The following FBXO15 variants were observed in gnomAD, a reference collection of about 807,000 sequenced individuals.
The protein encoded by FBXO15 is F-box protein 15.
Under a neutral mutation model 49.5 loss-of-function variants are expected in FBXO15, and 30 were observed. That is an observed-to-expected ratio of 0.61 (90% CI 0.45 to 0.82). The LOEUF (loss-of-function observed/expected upper bound fraction) is 0.82. FBXO15 is among the 40% of genes least tolerant of loss of function. The pLI is 0.00. For synonymous variants in FBXO15, 250 were observed against 232.7 expected, an observed-to-expected ratio of 1.07 and a Z score of -0.68; for missense variants, 591 against 631.5, an observed-to-expected ratio of 0.94 and a Z score of 0.69.
At chr18:74,135,693 AG>A in intron 3 of FBXO15, 68 bp downstream of exon 3, 4 of 1,213,744 alleles carry the variant, frequency 3.3e-6, no homozygotes, top group Non-Finnish European at 3.5e-6. Flanking sequence ...ATGGTTAAAA[AG>A]TTACTAGTTT....
chr18:74,144,575 T>A (rs1331206999), intron 1 of FBXO15, among the ~76,000 whole-genome samples: 3 of 152,176 alleles, frequency 2.0e-5, no homozygotes, highest in Admixed American at 1.3e-4. Context: ...GGGGGTACAG[T>A]CTGCAGCAAA....
chr18:74,117,773 C>A (rs1280428514), intron 8 of FBXO15, among the ~76,000 whole-genome samples: 1 of 152,106 alleles, frequency 6.6e-6, no homozygotes, highest in East Asian at 1.9e-4. Flanking sequence ...CTATTATTAT[C>A]GTATTCATCA....
chr18:74,128,639 C>T (rs1978301743), intron 5 of FBXO15, among the ~76,000 whole-genome samples: 1 of 152,166 alleles, frequency 6.6e-6, no homozygotes, highest in Admixed American at 6.5e-5. Flanking sequence ...TAGCTTGCTC[C>T]AGAGATGAGG....
chr18:74,147,427 C>G (rs1171877678), intron 1 of FBXO15: 1 of 1,097,860 alleles, frequency 9.1e-7, no homozygotes, highest in Non-Finnish European at 1.1e-6. Context: ...GCATCCCCGG[C>G]CACAGGCGCC....
At chr18:74,096,526 A>G (rs1347661989) in intron 8 of FBXO15, among the ~76,000 whole-genome samples, 2 of 151,896 alleles carry the variant, frequency 1.3e-5, no homozygotes, top group African/African-American at 4.9e-5. Context: ...CATCCCATAA[A>G]AAAAAACAAA....
At chr18:74,128,342 A>C (rs1978298755) in intron 5 of FBXO15, among the ~76,000 whole-genome samples, 1 of 151,964 alleles carries the variant, frequency 6.6e-6, no homozygotes, top group Non-Finnish European at 1.5e-5. Context: ...TGCAAAAAAA[A>C]AAAAAAGTGT....
intron 8 of FBXO15, among the ~76,000 whole-genome samples, chr18:74,109,759 C>T (rs564420196): frequency 2.1e-4 from 32 of 151,582 alleles, no homozygotes; most frequent in South Asian, 1.3e-3. Context: ...TGTTCTCACT[C>T]GTAGGTGGGA....
At chr18:74,123,653 T>C in intron 7 of FBXO15, 143 bp from the exon 8 acceptor site, 1 of 893,550 alleles carries the variant, frequency 1.1e-6, no homozygotes, top group Non-Finnish European at 1.7e-6. Context: ...CCCTATAATC[T>C]TCAATACTGT....
In FBXO15 at chr18:74,147,782, C is replaced by T. The variant is rs528978468; in HGVS notation, c.4G>A (p.Ala2Thr). The T allele has an allele frequency of 2.5e-5, 38 of 1,533,048 alleles. 1 individual carries two copies. In the South Asian group the frequency reaches 4.2e-4, roughly 17 times the overall value. 95.0% of individuals were successfully genotyped at this position (1,533,048 alleles called of 1,614,324 possible). A position where few individuals can be genotyped will look rare whatever the true frequency, so the allele number is the denominator to read the frequency against. M[A>T]TGRGRILQQH... The stretch of plus-strand genomic sequence containing the variant: ...TGCAAGATCCGACCGCGTCCAGTCG[C>T]CATAGAGACAAGGAGTTCACCACAG... The change falls in exon 1 of 10, where the codon GCG becomes ACG. Residue 2 changes from alanine (A) to threonine (T), a missense_variant. Physicochemically the swap from Ala to Thr is moderately conservative, Grantham distance 58 (BLOSUM62 0). Transcript: ENST00000419743.
rs867166144 is a variant in FBXO15, at chr18:74,145,594, C to T, written c.116+2076G>A. On this transcript the variant is annotated intron_variant, in intron 1 of 9. Coordinates refer to ENST00000419743, the MANE Select transcript of FBXO15 (RefSeq NM_001142958.2). ...TTATCCATAAAATAAACCAACTGCA[C>T]TTTTTTTTTTTTTTTTTTTTTGCGA... Among the ~76,000 whole-genome samples, 635 of 96,258 alleles carry T rather than the reference C, an allele frequency of 6.6e-3. 7 individuals carry two copies. The highest frequency in any genetic ancestry group is 0.029 in the African/African-American group (583 of 20,268). 63.1% of individuals were successfully genotyped at this position (96,258 alleles called of 152,430 possible). A position where few individuals can be genotyped will look rare whatever the true frequency, so the allele number is the denominator to read the frequency against.
chr18:74,097,464 T>G (rs1393599438), intron 8 of FBXO15: 1 of 152,334 alleles, frequency 6.6e-6, no homozygotes, highest in East Asian at 1.9e-4. Context: ...GCGTGGGAGC[T>G]GGGTGAGGCC....
chr18:74,081,279 C>T (rs1166100683), intron 9 of FBXO15, among the ~76,000 whole-genome samples: 1 of 152,140 alleles, frequency 6.6e-6, no homozygotes, highest in African/African-American at 2.4e-5. Flanking sequence ...CCCACTGGTC[C>T]CTGGGACAAT....
intron 2 of FBXO15, among the ~76,000 whole-genome samples, chr18:74,136,707 C>CT (rs1359630842): frequency 2.0e-5 from 3 of 152,148 alleles, no homozygotes; most frequent in Non-Finnish European, 4.4e-5. Context: ...TCTATGATCT[C>CT]AGAATTCTAT....
intron 8 of FBXO15, among the ~76,000 whole-genome samples, chr18:74,121,295 T>A (rs1006259126): frequency 1.5e-4 from 23 of 152,176 alleles, no homozygotes; most frequent in Admixed American, 3.9e-4. Context: ...ACTTCCCAAT[T>A]CATTCTATGA....
chr18:74,084,030 G>A (rs946552276), intron 8 of FBXO15, among the ~76,000 whole-genome samples: 115 of 152,268 alleles, frequency 7.6e-4, no homozygotes, highest in African/African-American at 2.6e-3. Context: ...CCTGGTCAAC[G>A]GCAGAAACAT....
intron 8 of FBXO15, among the ~76,000 whole-genome samples, chr18:74,120,251 T>C (rs1002472117): frequency 6.6e-6 from 1 of 152,090 alleles, no homozygotes; most frequent in African/African-American, 2.4e-5. Flanking sequence ...ACTGTCAGAG[T>C]TGGAGATCTC....
At position 74,129,455 on chromosome 18, in the gene FBXO15, A is replaced by G; in HGVS notation, c.735T>C (p.Cys245=). 3 of 1,614,026 alleles carry G rather than the reference A, an allele frequency of 1.9e-6. No individual in the cohort carries two copies. Among genetic ancestry groups the G allele is most frequent in the Admixed American group, 1.7e-5 (1 of 60,022 alleles). Residue 245 remains cysteine (C), a synonymous_variant, in exon 5 of 10, where the codon TGT becomes TGC. Coordinates refer to ENST00000419743, the MANE Select transcript of FBXO15 (RefSeq NM_001142958.2). ...AGTCGGTAAAAACTGGTGTCATGCC[A>G]CATAAATCTAAGGTTGACAATGATG... ...CLASLSTLDL[C]GMTPVFTDWY... is the part of the protein sequence containing the mutation.
At chr18:74,135,387 C>T (rs1219957019) in intron 3 of FBXO15, among the ~76,000 whole-genome samples, 3 of 152,176 alleles carry the variant, frequency 2.0e-5, no homozygotes, top group Admixed American at 2.0e-4. Context: ...GCAGAGAGCA[C>T]TCATTCTGCT....
chr18:74,128,843 C>G (rs1301981492), intron 5 of FBXO15, among the ~76,000 whole-genome samples: 9 of 152,212 alleles, frequency 5.9e-5, no homozygotes, highest in Admixed American at 5.9e-4. Flanking sequence ...CTGATCTACG[C>G]ATTTTATAGT....
Sources: allele counts gnomAD v4.1 joint callset (sites outside exome capture counted in the v4.1 genomes callset), GRCh38; gene constraint gnomAD v4.1.1; transcripts MANE v1.5; gene names NCBI Gene and HGNC (gene_info 2026-07-23, HGNC 2026-07-21).